The following SDK1 variants were observed in gnomAD, a reference collection of about 807,000 sequenced individuals.
The protein encoded by SDK1 is protein sidekick-1.
Under a neutral mutation model 245.5 loss-of-function variants are expected in SDK1, and 157 were observed. The observed-to-expected ratio is 0.64, with a 90% CI of 0.56 to 0.73. The LOEUF is 0.73. Among genes scored for constraint, SDK1 ranks in the 30% least tolerant of loss-of-function variants. SDK1 has a pLI of 0.00. For missense variants in SDK1, 3,583 were observed against 3,002.3 expected (o/e 1.19, Z -4.52); for synonymous variants, 1,647 against 1,278.5 (o/e 1.29, Z -6.15).
intron 44 of SDK1, among the ~76,000 whole-genome samples, chr7:4,259,060 C>G (rs899879087): frequency 3.9e-5 from 6 of 152,192 alleles, no homozygotes; most frequent in African/African-American, 4.8e-5. Context: ...TTCAGATGAT[C>G]TTTGTTCTCT....
At chr7:3,409,715 T>C (rs572047684) in intron 1 of SDK1, among the ~76,000 whole-genome samples, 15 of 152,176 alleles carry the variant, frequency 9.9e-5, no homozygotes, top group Non-Finnish European at 2.2e-4. Flanking sequence ...TAGGTGACTG[T>C]TGACCCAGAG....
intron 35 of SDK1, among the ~76,000 whole-genome samples, chr7:4,184,441 C>T (rs1782766029): frequency 6.9e-6 from 1 of 144,308 alleles, no homozygotes. Context: ...CACTAAGGCA[C>T]CAGTCCTGCT....
chr7:3,425,111 C>A (rs1237851881), intron 1 of SDK1, among the ~76,000 whole-genome samples: 5 of 89,670 alleles, frequency 5.6e-5, no homozygotes, highest in African/African-American at 3.0e-4. Context: ...CATACAGTTG[C>A]CAGCTTTTTT....
intron 4 of SDK1, among the ~76,000 whole-genome samples, chr7:3,669,229 A>G (rs533114444): frequency 1.3e-5 from 2 of 152,372 alleles, no homozygotes; most frequent in East Asian, 3.9e-4. Context: ...TTATAAGAGC[A>G]TGGAAAGCAG....
chr7:3,947,700 T>TTA (rs1562558458), intron 5 of SDK1, among the ~76,000 whole-genome samples: 1 of 151,362 alleles, frequency 6.6e-6, no homozygotes. Context: ...ACATATATAT[T>TTA]TATATATATT....
chr7:4,056,129 C>T (rs1005705846), intron 19 of SDK1, among the ~76,000 whole-genome samples: 8 of 150,108 alleles, frequency 5.3e-5, no homozygotes, highest in African/African-American at 2.0e-4. Context: ...TTTTATGTCT[C>T]AGAGAAAACT....
intron 4 of SDK1, among the ~76,000 whole-genome samples, chr7:3,718,306 G>A (rs1785261937): frequency 6.6e-6 from 1 of 152,036 alleles, no homozygotes; most frequent in Non-Finnish European, 1.5e-5. Context: ...TTGGAGACCA[G>A]CCTGGGTGAC....
intron 4 of SDK1, among the ~76,000 whole-genome samples, chr7:3,728,246 G>C (rs192096357): frequency 1.3e-5 from 2 of 152,196 alleles, no homozygotes; most frequent in Non-Finnish European, 2.9e-5. Context: ...GTTTCTCTTT[G>C]TTTTTGTACT....
chr7:3,854,642 T>G (rs1324668830), intron 5 of SDK1, among the ~76,000 whole-genome samples: 2 of 152,236 alleles, frequency 1.3e-5, no homozygotes, highest in African/African-American at 4.8e-5. Context: ...ATGCCTTTGT[T>G]CATGAGAAAA....
At chr7:3,344,223 A>G (rs982352457) in intron 1 of SDK1, among the ~76,000 whole-genome samples, 1 of 152,208 alleles carries the variant, frequency 6.6e-6, no homozygotes, top group Admixed American at 6.5e-5. Flanking sequence ...CTACATGTTC[A>G]ATTTTAAAAA....
At chr7:4,138,592 C>G (rs1779248941) in intron 28 of SDK1, among the ~76,000 whole-genome samples, 3 of 151,778 alleles carry the variant, frequency 2.0e-5, no homozygotes, top group Admixed American at 6.6e-5. Flanking sequence ...ACTAAAAATA[C>G]AAAAATTAGC....
At chr7:3,604,018 C>G (rs536093057) in intron 1 of SDK1, among the ~76,000 whole-genome samples, 2 of 152,148 alleles carry the variant, frequency 1.3e-5, no homozygotes, top group Non-Finnish European at 2.9e-5. Context: ...AGCCTTGCAT[C>G]CCAGGGATGA....
At chr7:3,847,548 C>G (rs986407416) in intron 5 of SDK1, among the ~76,000 whole-genome samples, 2 of 152,226 alleles carry the variant, frequency 1.3e-5, no homozygotes, top group Non-Finnish European at 1.5e-5. Flanking sequence ...CAAAGCCGGC[C>G]TTCCTCCTCT....
chr7:3,600,748 C>T (rs576254620), intron 1 of SDK1, among the ~76,000 whole-genome samples: 1 of 152,046 alleles, frequency 6.6e-6, no homozygotes, highest in South Asian at 2.1e-4. Flanking sequence ...CAGGGTTTCA[C>T]CGTGTTAGCC....
At chr7:4,142,247 A>G (rs1779626431) in intron 28 of SDK1, among the ~76,000 whole-genome samples, 1 of 151,938 alleles carries the variant, frequency 6.6e-6, no homozygotes, top group Non-Finnish European at 1.5e-5. Flanking sequence ...CATCTCTAGG[A>G]ACGATATTCA....
chr7:3,982,305 A>C (rs955137118), intron 13 of SDK1, among the ~76,000 whole-genome samples: 2 of 152,198 alleles, frequency 1.3e-5, no homozygotes, highest in Non-Finnish European at 2.9e-5. Context: ...TGGACAGTGC[A>C]CCTTGTCATG....
At chr7:3,903,237 G>T (rs188851365) in intron 5 of SDK1, among the ~76,000 whole-genome samples, 2,047 of 149,858 alleles carry the variant, frequency 0.014, 23 homozygotes, top group Non-Finnish European at 0.02. Context: ...TCCACCTCCC[G>T]GGTTCACTCC....
intron 1 of SDK1, among the ~76,000 whole-genome samples, chr7:3,377,845 C>G (rs1466139426): frequency 6.6e-6 from 1 of 152,162 alleles, no homozygotes; most frequent in Non-Finnish European, 1.5e-5. Flanking sequence ...GTGGCACGAT[C>G]TCGGCTCACT....
intron 1 of SDK1, among the ~76,000 whole-genome samples, chr7:3,615,304 G>C (rs1781731559): frequency 6.6e-6 from 1 of 151,552 alleles, no homozygotes; most frequent in African/African-American, 2.4e-5. Context: ...TAGACTGTTT[G>C]GGTAATAAGA....
Sources: allele counts gnomAD v4.1 joint callset (sites outside exome capture counted in the v4.1 genomes callset), GRCh38; gene constraint gnomAD v4.1.1; transcripts MANE v1.5; gene names NCBI Gene and HGNC (gene_info 2026-07-23, HGNC 2026-07-21).